The following CTCF variants were observed in gnomAD, a reference collection of about 807,000 sequenced individuals.
CTCF encodes the protein CCCTC-binding factor.
Under a neutral mutation model 72.3 loss-of-function variants are expected in CTCF, and 7 were observed. The ratio of observed to expected loss-of-function variants is 0.10; its 90% CI spans 0.06 to 0.18. The LOEUF is 0.18. Among genes scored for constraint, CTCF ranks in the 10% least tolerant of loss-of-function variants. The probability of loss-of-function intolerance (pLI) is 1.00; values close to 1 mark genes in which losing one functional copy is unlikely to be tolerated. For synonymous variants in CTCF, 374 were observed against 315.8 expected, an observed-to-expected ratio of 1.18 and a Z score of -1.95; for missense variants, 516 against 949.1, an observed-to-expected ratio of 0.54 and a Z score of 6.00.
intron 8 of CTCF, chr16:67,628,050 G>A (rs1255020219): frequency 2.2e-5 from 5 of 224,684 alleles, no homozygotes; most frequent in Non-Finnish European, 3.5e-5. Flanking sequence ...AGCCAAGATC[G>A]CGCCACTGCA....
chr16:67,563,121 G>A (rs1350866396), intron 1 of CTCF, among the ~76,000 whole-genome samples: 1 of 151,962 alleles, frequency 6.6e-6, no homozygotes, highest in African/African-American at 2.4e-5. Flanking sequence ...CGCGGCGGGT[G>A]GCCCCAGCTG....
chr16:67,589,723 ACTCT>A (rs1175737181), intron 2 of CTCF, among the ~76,000 whole-genome samples: 1 of 151,794 alleles, frequency 6.6e-6, no homozygotes, highest in Non-Finnish European at 1.5e-5. Context: ...ATATGCTTGT[ACTCT>A]CTCTCCCTTC....
intron 2 of CTCF, among the ~76,000 whole-genome samples, chr16:67,594,597 TAAAAA>T (rs895497156): frequency 1.1e-4 from 17 of 152,076 alleles, no homozygotes; most frequent in African/African-American, 3.6e-4. Context: ...TTCGCATCAC[TAAAAA>T]AATAGTGATG....
chr16:67,568,805 G>T (rs577434742), intron 1 of CTCF, among the ~76,000 whole-genome samples: 2 of 151,778 alleles, frequency 1.3e-5, no homozygotes, highest in Non-Finnish European at 2.9e-5. Flanking sequence ...CTGGATTGCT[G>T]GTGTGAGCCA....
At chr16:67,566,919 A>G (rs1284889403) in intron 1 of CTCF, among the ~76,000 whole-genome samples, 1 of 151,622 alleles carries the variant, frequency 6.6e-6, no homozygotes, top group Non-Finnish European at 1.5e-5. Context: ...TCTTTTACCC[A>G]GGCTGGAGTG....
chr16:67,568,125 G>A (rs1366438611), intron 1 of CTCF: 1 of 151,258 alleles, frequency 6.6e-6, no homozygotes, highest in Admixed American at 6.6e-5. Context: ...TGTCTCCCAG[G>A]CTGGAGTGCA....
At chr16:67,624,062 AAAT>A (rs2052240912) in intron 7 of CTCF, among the ~76,000 whole-genome samples, 1 of 136,768 alleles carries the variant, frequency 7.3e-6, no homozygotes, top group Non-Finnish European at 1.6e-5. Flanking sequence ...AAAAAAAAAA[AAAT>A]TATATATGTG....
rs1335635297 is a variant in CTCF, at chr16:67,611,628, T to C, written c.781+15T>C. 1 of 1,601,684 alleles carries C rather than the reference T, an allele frequency of 6.2e-7. No individual in the cohort carries two copies. Among genetic ancestry groups the C allele is most frequent in the South Asian group, 1.1e-5 (1 of 89,064 alleles). ...TAAAAAGAAAGGTAAAACGAGTTTA[T>C]CCATAGTGGTTTCATAAAACCATTT... On this transcript the variant is annotated intron_variant, in intron 3 of 11. Transcript: ENST00000264010.
chr16:67,610,350 C>CTTTTTTTT (rs1158978403), intron 2 of CTCF, among the ~76,000 whole-genome samples: 38 of 121,386 alleles, frequency 3.1e-4, no homozygotes, highest in African/African-American at 7.3e-4. Context: ...TTTTCTTTTT[C>CTTTTTTTT]TTTTTTTTTT....
intron 2 of CTCF, among the ~76,000 whole-genome samples, chr16:67,607,547 C>T (rs2051992286): frequency 6.6e-6 from 1 of 151,722 alleles, no homozygotes; most frequent in Admixed American, 6.6e-5. Flanking sequence ...CTCAACTGAT[C>T]CACCAGCCTT....
intron 2 of CTCF, among the ~76,000 whole-genome samples, chr16:67,605,442 G>T (rs2051961289): frequency 6.6e-6 from 1 of 152,128 alleles, no homozygotes; most frequent in South Asian, 2.1e-4. Context: ...TGCATTGGAT[G>T]TTGTTGTATT....
intron 2 of CTCF, among the ~76,000 whole-genome samples, chr16:67,585,145 G>T (rs1364233605): frequency 6.6e-6 from 1 of 152,162 alleles, no homozygotes; most frequent in Non-Finnish European, 1.5e-5. Context: ...TGCCTCCTGG[G>T]TTTAAGCAGT....
At chr16:67,621,274 G>A in intron 6 of CTCF, 168 bp from the exon 7 acceptor site, 2 of 564,652 alleles carry the variant, frequency 3.5e-6, no homozygotes. Context: ...TTTAGGACTT[G>A]GCCATATCTG....
At chr16:67,633,820 A>T (rs971881291) in intron 10 of CTCF, among the ~76,000 whole-genome samples, 5 of 147,042 alleles carry the variant, frequency 3.4e-5, no homozygotes, top group Non-Finnish European at 7.5e-5. Flanking sequence ...ACACACTCTC[A>T]CTCACTCACT....
intron 2 of CTCF, among the ~76,000 whole-genome samples, chr16:67,608,500 C>T (rs2052009106): frequency 6.6e-6 from 1 of 152,010 alleles, no homozygotes; most frequent in African/African-American, 2.4e-5. Context: ...CTGAGTTTGG[C>T]TTCAAAAAAC....
rs36009199 is a variant in CTCF at position 67,601,864 on chromosome 16, A to ATT, written c.-9-8944_-9-8943dup. ...GGTTGGACTCGGTTGTTTACAAGCA[A>ATT]TTTTTTTTTTTTTTTTTGAGATGGA... On this transcript the variant is annotated intron_variant, in intron 2 of 11. Coordinates refer to ENST00000264010, the MANE Select transcript of CTCF (RefSeq NM_006565.4). 1.7e-3 allele frequency among the ~76,000 whole-genome samples: 223 copies of ATT among 135,080 alleles called. 2 individuals carry two copies. Among genetic ancestry groups the ATT allele is most frequent in the East Asian group, 4.0e-3 (18 of 4,516 alleles). 88.6% of individuals were successfully genotyped at this position (135,080 alleles called of 152,430 possible).
At chr16:67,593,494 C>T (rs2051772826) in intron 2 of CTCF, among the ~76,000 whole-genome samples, 1 of 152,156 alleles carries the variant, frequency 6.6e-6, no homozygotes, top group Non-Finnish European at 1.5e-5. Context: ...CCTCCAGCTG[C>T]ATCTGTGTTG....
At chr16:67,616,985 G>T in intron 5 of CTCF, 107 bp downstream of exon 5, 1 of 1,164,578 alleles carries the variant, frequency 8.6e-7, no homozygotes, top group Non-Finnish European at 1.3e-6. Flanking sequence ...GTAGAAAAAT[G>T]TTAGTAAATT....
intron 10 of CTCF, among the ~76,000 whole-genome samples, chr16:67,630,077 T>C (rs2052344844): frequency 6.6e-6 from 1 of 151,908 alleles, no homozygotes; most frequent in Admixed American, 6.6e-5. Flanking sequence ...CGCCCGGCCA[T>C]TATTAATGCC....
Sources: gnomAD v4.1 joint callset for allele counts (sites outside exome capture counted in the v4.1 genomes callset) on GRCh38, gnomAD v4.1.1 for gene constraint, MANE v1.5 for transcripts, NCBI Gene and HGNC (gene_info 2026-07-23, HGNC 2026-07-21) for gene names.